The following ADGRG4 variants were observed in gnomAD, a reference collection of about 807,000 sequenced individuals.
ADGRG4 encodes the protein G protein-coupled receptor 112.
ADGRG4 carries 122 observed loss-of-function variants against 126.2 expected under a neutral mutation model. The observed-to-expected ratio is 0.97, with a 90% confidence interval of 0.83 to 1.12. The LOEUF (loss-of-function observed/expected upper bound fraction) is 1.12. ADGRG4 is among the 50% of genes most tolerant of loss of function. ADGRG4 has a pLI of 0.00. For missense variants in ADGRG4, 2,481 were observed against 2,251.8 expected (o/e 1.10, Z -2.06); for synonymous variants, 943 against 838.7 (o/e 1.12, Z -2.15).
chrX:136,392,096 G>A, intron 16 of ADGRG4, 136 bp from the exon 17 acceptor site: 1 of 474,072 alleles, frequency 2.1e-6, no homozygotes, highest in Non-Finnish European at 3.4e-6. Flanking sequence ...AATAACCTTT[G>A]ACCTTAGCTT....
intron 13 of ADGRG4, among the ~76,000 whole-genome samples, chrX:136,363,868 G>A (rs1043063814): frequency 1.8e-5 from 2 of 111,082 alleles, no homozygotes; most frequent in Non-Finnish European, 3.8e-5. Context: ...GGAGTGCAAC[G>A]GCGCAATCTT....
intron 15 of ADGRG4, among the ~76,000 whole-genome samples, chrX:136,383,936 G>A (rs2075279913): frequency 2.8e-5 from 2 of 72,262 alleles, no homozygotes; most frequent in South Asian, 6.4e-4. Context: ...CTGTCACCGA[G>A]GTTGGAGTGC....
At chrX:136,377,167 C>CTTTTTTTTTTTTT (rs1184343263) in intron 15 of ADGRG4, among the ~76,000 whole-genome samples, 25 of 48,633 alleles carry the variant, frequency 5.1e-4, no homozygotes, top group African/African-American at 1.6e-3. Flanking sequence ...GTTTTCTTTC[C>CTTTTTTTTTTTTT]TTTTTTTTTT....
chrX:136,381,258 T>C lies in ADGRG4; in HGVS notation c.7777-6482T>C, dbSNP rs1355687473. 1.1e-4 allele frequency among the ~76,000 whole-genome samples: 12 copies of C among 110,857 alleles called. No homozygotes were observed. The Admixed American group carries it at 1.2e-3, about 11-fold the overall frequency. ...TTTGGGGGCTATCTAAGATATCGTA[T>C]TATTATTTTTTCAGACAGGGTCTCA... On this transcript the variant is annotated intron_variant, in intron 15 of 25. Transcript: ENST00000394143.
chrX:136,342,747 A>G (rs1479454751), intron 5 of ADGRG4, among the ~76,000 whole-genome samples: 1 of 110,811 alleles, frequency 9.0e-6, no homozygotes, highest in Admixed American at 9.6e-5. Context: ...CTAAAAAAAA[A>G]CAGAGGGGAC....
At chrX:136,342,917 T>TGA (rs1361151546) in intron 5 of ADGRG4, among the ~76,000 whole-genome samples, 2,942 of 64,631 alleles carry the variant, frequency 0.046, 52 homozygotes, top group African/African-American at 0.093. Flanking sequence ...TGTGTGTGTG[T>TGA]GTGTGAGAGA....
intron 13 of ADGRG4, among the ~76,000 whole-genome samples, chrX:136,370,666 T>G (rs2075186992): frequency 9.0e-6 from 1 of 111,707 alleles, no homozygotes; most frequent in African/African-American, 3.2e-5. Context: ...AAAAGGTGAG[T>G]GGAAGTGTAG....
chrX:136,413,741 T>C (rs1318789709), intron 24 of ADGRG4, among the ~76,000 whole-genome samples: 1 of 52,171 alleles, frequency 1.9e-5, no homozygotes, highest in African/African-American at 9.4e-5. Context: ...TTTGTTTTTG[T>C]TTTTGTTTTT....
Position 136,377,106 on chromosome X carries a change from CCTAT to C in ADGRG4, c.7776+4047_7776+4050del, listed in dbSNP as rs773689914. Among the ~76,000 whole-genome samples the C allele has an allele frequency of 4.6e-5, 5 of 108,743 alleles. No homozygotes were observed. The South Asian group carries it at 2.0e-3, about 43-fold the overall frequency. 94.4% of individuals were successfully genotyped at this position (108,743 alleles called of 115,157 possible). On this transcript the variant is annotated intron_variant, in intron 15 of 25. Coordinates refer to ENST00000394143, the MANE Select transcript of ADGRG4 (RefSeq NM_153834.4). ...TTGAAAATGTTTTCCGTATGACTTG[CCTAT>C]CTATTTTCTCAATAATGTCTTTCAA...
intron 5 of ADGRG4, among the ~76,000 whole-genome samples, chrX:136,339,724 T>C (rs906708122): frequency 1.8e-5 from 2 of 112,481 alleles, no homozygotes; most frequent in Non-Finnish European, 3.8e-5. Context: ...TTCATAGTTC[T>C]CCTTTGGTTG....
intron 5 of ADGRG4, among the ~76,000 whole-genome samples, chrX:136,324,944 G>A (rs1410234473): frequency 8.9e-6 from 1 of 111,800 alleles, no homozygotes; most frequent in Non-Finnish European, 1.9e-5. Context: ...GTTCTTGTAA[G>A]GAACCTGGCT....
At chrX:136,397,815 C>T in intron 19 of ADGRG4, 66 bp from the exon 20 acceptor site, 1 of 1,103,515 alleles carries the variant, frequency 9.1e-7, no homozygotes, top group Non-Finnish European at 1.2e-6. Context: ...TTAGTGAACA[C>T]TGGAAGCATT....
chrX:136,353,174 A>T (rs1456120197), intron 7 of ADGRG4, among the ~76,000 whole-genome samples, 163 bp from the exon 8 acceptor site: 1 of 111,813 alleles, frequency 8.9e-6, no homozygotes. Context: ...TCAGCCCATA[A>T]TAGCAGGTAA....
intron 19 of ADGRG4, among the ~76,000 whole-genome samples, 159 bp downstream of exon 19, chrX:136,395,652 T>C (rs992794073): frequency 1.4e-4 from 16 of 112,341 alleles, no homozygotes; most frequent in Admixed American, 2.8e-4. Flanking sequence ...CAAATATTTA[T>C]TTATTTATTC....
chrX:136,399,715 A>G (rs1213410668), intron 20 of ADGRG4, 133 bp from the exon 21 acceptor site: 2 of 518,083 alleles, frequency 3.9e-6, no homozygotes, highest in African/African-American at 2.4e-5. Flanking sequence ...AAAGAGAATG[A>G]GGGACTTCAA....
chrX:136,388,537 G>A (rs1272440180), intron 16 of ADGRG4, among the ~76,000 whole-genome samples: 2 of 112,014 alleles, frequency 1.8e-5, no homozygotes, highest in African/African-American at 6.5e-5. Flanking sequence ...TCCTTATAGA[G>A]CTATTGAAGG....
intron 5 of ADGRG4, among the ~76,000 whole-genome samples, chrX:136,326,425 C>A (rs190642956): frequency 8.9e-6 from 1 of 112,213 alleles, no homozygotes; most frequent in Admixed American, 9.4e-5. Flanking sequence ...CCTAATGTCA[C>A]CAATCAAATA....
rs373825945 is a variant in ADGRG4, at chrX:136,403,319, C to T, written c.8651C>T (p.Pro2884Leu). ...DLYGTLSPTTPFCWIKDDSIF... is the reference protein window; with the variant it reads ...DLYGTLSPTTLFCWIKDDSIF... ...TATGGAACTCTGAGCCCAACAACTC[C>T]GTTGTAAGTACCAGCATCTCTGTTT... Residue 2884 changes from proline (P) to leucine (L), a missense_variant, in exon 22 of 26, where the codon CCG becomes CTG. Physicochemically the swap from Pro to Leu is moderately conservative, Grantham distance 98. Coordinates refer to ENST00000394143, the MANE Select transcript of ADGRG4 (RefSeq NM_153834.4). 7 of 1,186,220 alleles carry T rather than the reference C, an allele frequency of 5.9e-6. No individual in the cohort carries two copies. The highest frequency in any genetic ancestry group is 2.2e-5 in the Admixed American group (1 of 45,781).
At chrX:136,333,598 A>G (rs773430900) in intron 5 of ADGRG4, among the ~76,000 whole-genome samples, 1 of 111,349 alleles carries the variant, frequency 9.0e-6, no homozygotes, top group South Asian at 3.8e-4. Context: ...GCTCACTGCA[A>G]CTTCCACCTC....
Sources: gnomAD v4.1 joint callset for allele counts (sites outside exome capture counted in the v4.1 genomes callset) on GRCh38, gnomAD v4.1.1 for gene constraint, MANE v1.5 for transcripts, NCBI Gene and HGNC (gene_info 2026-07-23, HGNC 2026-07-21) for gene names.